Variants in INSL6 observed in about 807,000 individuals in gnomAD.
INSL6 encodes the protein insulin like 6, also known as insulin-like peptide INSL6.
INSL6 carries 16 observed loss-of-function variants against 9.4 expected under a neutral mutation model. The observed-to-expected ratio is 1.70, with a 90% CI of 1.15 to 2.59. INSL6 has a LOEUF of 2.59. Ranked by LOEUF, INSL6 falls within the 30% of genes most tolerant of loss-of-function variation. The pLI is 0.00. For synonymous variants in INSL6, 154 were observed against 96.9 expected (o/e 1.59, Z -3.46); for missense variants, 391 against 257.3 (o/e 1.52, Z -3.56).
intron 1 of INSL6, among the ~76,000 whole-genome samples, chr9:5,175,649 C>T (rs1296654137): frequency 2.0e-5 from 3 of 152,066 alleles, no homozygotes; most frequent in Non-Finnish European, 4.4e-5. Flanking sequence ...CCCCATTGCT[C>T]GCATTATCAC....
chr9:5,066,789 G>T, the INSL6 span: 2 of 1,431,890 alleles, frequency 1.4e-6, no homozygotes, highest in Non-Finnish European at 9.5e-7. Context: ...TTGCTGTCGA[G>T]GTTAGTATGT....
intron 2 of INSL6, among the ~76,000 whole-genome samples, chr9:5,138,998 A>T (rs1176751093): frequency 6.6e-6 from 1 of 152,180 alleles, no homozygotes; most frequent in African/African-American, 2.4e-5. Context: ...TCAAGGAGAT[A>T]ATAAAGTATC....
chr9:5,104,531 A>G, the INSL6 span, among the ~76,000 whole-genome samples: 1 of 152,222 alleles, frequency 6.6e-6, no homozygotes, highest in African/African-American at 2.4e-5. Context: ...ATCAATGGAA[A>G]AAGAGGGAAT....
chr9:5,034,485 G>C, the INSL6 span, among the ~76,000 whole-genome samples: 2 of 151,948 alleles, frequency 1.3e-5, no homozygotes, highest in Admixed American at 6.6e-5. Context: ...CACATAGTTG[G>C]AAGTAAAGCA....
rs370116140 is a variant in INSL6 at position 5,185,609 on chromosome 9, G to C, written c.-7C>G. The C allele has an allele frequency of 2.5e-5, 40 of 1,608,980 alleles. No individual in the cohort carries two copies. Among genetic ancestry groups the C allele is most frequent in the Admixed American group, 1.7e-4 (10 of 59,432 alleles). On this transcript the variant is annotated 5_prime_UTR_variant, in exon 1 of 2. Coordinates refer to ENST00000381641, the MANE Select transcript of INSL6 (RefSeq NM_007179.3). Reference sequence around the variant, plus strand: ...AGCGGAGGAGCCGCGGCATCCCTGTGACCCCAGGCTAGTCCTCCGCGTTGT... The same window carrying C: ...AGCGGAGGAGCCGCGGCATCCCTGTCACCCCAGGCTAGTCCTCCGCGTTGT...
chr9:5,066,579 G>C, the INSL6 span: 69 of 702,696 alleles, frequency 9.8e-5, no homozygotes, highest in Non-Finnish European at 1.7e-4. Flanking sequence ...AGACAATTCT[G>C]ACAGTTTTAG....
chr9:5,082,290 A>C, the INSL6 span, among the ~76,000 whole-genome samples: 19 of 152,344 alleles, frequency 1.2e-4, 1 homozygote, highest in African/African-American at 4.3e-4. Context: ...TCAGCAAGAA[A>C]ACATGTGAGG....
At chr9:5,163,621 A>G (rs1824974524), downstream of INSL6, among the ~76,000 whole-genome samples, 1 of 141,282 alleles carries the variant, frequency 7.1e-6, no homozygotes, top group Non-Finnish European at 1.6e-5. Flanking sequence ...CCATCTTAAA[A>G]CACAGCTTAA....
At chr9:5,100,697 A>C in the INSL6 span, 3 of 152,222 alleles carry the variant, frequency 2.0e-5, no homozygotes, top group African/African-American at 7.2e-5. Context: ...TGATAGAAGG[A>C]AATCGAAAGC....
chr9:5,069,840 G>C, the INSL6 span: 7 of 815,918 alleles, frequency 8.6e-6, no homozygotes, highest in Non-Finnish European at 1.3e-5. Flanking sequence ...CTTATACGTA[G>C]AACACATTTC....
the INSL6 span, chr9:5,114,305 C>T: frequency 3.7e-6 from 2 of 542,528 alleles, no homozygotes; most frequent in East Asian, 4.5e-5. Flanking sequence ...TGACTTGGTC[C>T]CAGGCCAGTG....
At chr9:5,021,169 C>T in the INSL6 span, among the ~76,000 whole-genome samples, 4 of 152,064 alleles carry the variant, frequency 2.6e-5, no homozygotes, top group Non-Finnish European at 5.9e-5. Flanking sequence ...GCAGGCTGCC[C>T]CACTTCCCTC....
the INSL6 span, chr9:5,044,293 T>C: frequency 1.4e-6 from 1 of 699,002 alleles, no homozygotes; most frequent in Non-Finnish European, 2.5e-6. Flanking sequence ...TAGCTGTGTT[T>C]TCTAAGTATG....
At chr9:5,065,036 A>G in the INSL6 span, 1 of 1,577,224 alleles carries the variant, frequency 6.3e-7, no homozygotes, top group Non-Finnish European at 8.6e-7. Flanking sequence ...TCATGGCCCA[A>G]TTTCGTGAGT....
chr9:5,112,098 G>A, the INSL6 span: 1 of 353,756 alleles, frequency 2.8e-6, no homozygotes, highest in Non-Finnish European at 5.6e-6. Flanking sequence ...CCACCTACCT[G>A]AACGAGGGCA....
In INSL6 at chr9:5,185,531, G is replaced by C; in HGVS notation, c.72C>G (p.Ser24Arg). Residue 24 changes from serine (S) to arginine (R), a missense_variant, in exon 1 of 2, where the codon AGC (serine) becomes AGG (arginine). Transcript: ENST00000381641. ...LLLVRFSREL[S>R]DISSARKLCG... is the part of the protein sequence containing the mutation. The stretch of plus-strand genomic sequence containing the variant: ...ACAGCTTCCTGGCACTGCTGATGTC[G>C]CTCAGTTCACGAGAAAACCGAACCA... The C allele has an allele frequency of 6.2e-7, 1 of 1,614,086 alleles. No individual in the cohort carries two copies. Among genetic ancestry groups the C allele is most frequent in the Non-Finnish European group, 8.5e-7 (1 of 1,180,022 alleles).
chr9:5,164,192 T>G lies in INSL6; in HGVS notation c.363A>C (p.Gly121=). ...CTCTTGTCTTACCAAGGGGTGAATA[T>G]CCCTTTTTATCCTTATACTCAGGTA... ...QSLPEYKDKK[G]YSPLGKTREF... The change falls in exon 2 of 2, where the codon GGA becomes GGC. Residue 121 remains glycine (G), a synonymous_variant. Transcript: ENST00000381641. The G allele has an allele frequency of 6.2e-7, 1 of 1,606,030 alleles. No individual in the cohort carries two copies. Among genetic ancestry groups the G allele is most frequent in the Non-Finnish European group, 8.5e-7 (1 of 1,176,848 alleles).
In INSL6 at chr9:5,185,538, T is replaced by C. The variant is rs199592186; in HGVS notation, c.65A>G (p.Glu22Gly). 3.8e-5 allele frequency: 62 copies of C among 1,614,144 alleles called. No homozygotes were observed. The highest frequency in any genetic ancestry group is 3.6e-5 in the Non-Finnish European group (43 of 1,180,026). The part of the protein sequence containing the change: ...LGLLLVRFSR[E>G]LSDISSARKL... Reference sequence around the variant, plus strand: ...CCTGGCACTGCTGATGTCGCTCAGTTCACGAGAAAACCGAACCAGCAGGAG... The same window carrying C: ...CCTGGCACTGCTGATGTCGCTCAGTCCACGAGAAAACCGAACCAGCAGGAG... The change falls in exon 1 of 2, where the codon GAA becomes GGA. Residue 22 changes from glutamate (E) to glycine (G), a missense_variant. Coordinates refer to ENST00000381641, the MANE Select transcript of INSL6 (RefSeq NM_007179.3).
At chr9:5,049,464 C>T in the INSL6 span, among the ~76,000 whole-genome samples, 3 of 152,132 alleles carry the variant, frequency 2.0e-5, no homozygotes, top group East Asian at 3.8e-4. Flanking sequence ...GTCCATCATA[C>T]ATTTCTTTAT....
Sources: allele counts gnomAD v4.1 joint callset (sites outside exome capture counted in the v4.1 genomes callset), GRCh38; gene constraint gnomAD v4.1.1; transcripts MANE v1.5; gene names NCBI Gene and HGNC (gene_info 2026-07-23, HGNC 2026-07-21).